C6orf47: variants seen among roughly 807,000 people sequenced by gnomAD.
C6orf47 encodes chromosome 6 open reading frame 47, also known as uncharacterized protein C6orf47.
C6orf47 carries 1 observed loss-of-function variant against 5.6 expected under a neutral mutation model. The ratio of observed to expected loss-of-function variants is 0.18; its 90% CI spans 0.06 to 0.85. The LOEUF (loss-of-function observed/expected upper bound fraction) is 0.85. Ranked by LOEUF, C6orf47 falls within the 40% of genes least tolerant of loss-of-function variation. C6orf47 has a pLI of 0.70. For missense variants in C6orf47, 323 were observed against 367.1 expected (o/e 0.88, Z 0.98); for synonymous variants, 149 against 161.7 (o/e 0.92, Z 0.60).
Position 31,658,986 on chromosome 6 carries a change from T to G in C6orf47, c.*77A>C. 2 of 1,525,292 alleles carry G rather than the reference T, an allele frequency of 1.3e-6. No homozygotes were observed. Among genetic ancestry groups the G allele is most frequent in the African/African-American group, 2.7e-5 (2 of 73,014 alleles). 94.5% of individuals were successfully genotyped at this position (1,525,292 alleles called of 1,614,324 possible). A position where few individuals can be genotyped will look rare whatever the true frequency, so the allele number is the denominator to read the frequency against. On this transcript the variant is annotated 3_prime_UTR_variant, in exon 1 of 1. Coordinates refer to ENST00000375911, the MANE Select transcript of C6orf47 (RefSeq NM_021184.4). ...TTCTTCCCCATCCCTGAGGTCCCTATGCTTACAATTTGGGTCATGCCTCAC... is the reference window on the plus strand; with the variant it reads ...TTCTTCCCCATCCCTGAGGTCCCTAGGCTTACAATTTGGGTCATGCCTCAC...
At position 31,660,029 on chromosome 6, in the gene C6orf47, G is replaced by A; in HGVS notation, c.-82C>T. ...ACTCTCAGGATCTCCTCAGAAGCCA[G>A]AGTCTTTCTGGCTCAGAACAGGTAT... On this transcript the variant is annotated 5_prime_UTR_variant, in exon 1 of 1. Transcript: ENST00000375911. This position sits in a 1 kb window ranked among gnomAD's most constrained non-coding sequence, Gnocchi z 4.7. 7.0e-7 allele frequency: 1 copy of A among 1,437,516 alleles called. No individual in the cohort carries two copies. Among genetic ancestry groups the A allele is most frequent in the South Asian group, 1.4e-5 (1 of 69,172 alleles). 89.0% of individuals were successfully genotyped at this position (1,437,516 alleles called of 1,614,324 possible). A position where few individuals can be genotyped will look rare whatever the true frequency, so the allele number is the denominator to read the frequency against.
At position 31,659,601 on chromosome 6, in the gene C6orf47, C is replaced by A; in HGVS notation, c.347G>T (p.Arg116Ile). ...LEAGGASPKL[R>I]WDHVDSGGTR... The stretch of plus-strand genomic sequence containing the variant: ...GCCACCTGAATCCACATGATCCCAT[C>A]TGAGTTTGGGACTGGCCCCTCCAGC... The change falls in exon 1 of 1, where the codon AGA becomes ATA. Residue 116 changes from arginine to isoleucine, a missense_variant. Physicochemically the swap from Arg to Ile is moderately conservative, Grantham distance 97. Transcript: ENST00000375911. This position sits in a 1 kb window ranked among gnomAD's most constrained non-coding sequence, Gnocchi z 5.6. 4 of 1,612,916 alleles carry A rather than the reference C, an allele frequency of 2.5e-6. No homozygotes were observed. The highest frequency in any genetic ancestry group is 2.5e-6 in the Non-Finnish European group (3 of 1,180,020).
At position 31,658,863 on chromosome 6, in the gene C6orf47, C is replaced by T. The variant is rs968210938; in HGVS notation, c.*200G>A. 4.5e-6 allele frequency: 2 copies of T among 447,596 alleles called. No homozygotes were observed. The highest frequency in any genetic ancestry group is 3.5e-5 in the East Asian group (1 of 28,194). The allele number at this position is 447,596 out of a possible 1,614,324, so 27.7% of individuals were successfully genotyped here. ...AAAGCAAAAATAACAGCTGGTGAAT[C>T]CAAGAGCAGTGCCCTCACTGTCCAT... On this transcript the variant is annotated 3_prime_UTR_variant, in exon 1 of 1. Coordinates refer to ENST00000375911, the MANE Select transcript of C6orf47 (RefSeq NM_021184.4).
Position 31,660,078 on chromosome 6 carries a change from C to A in C6orf47, c.-131G>T, listed in dbSNP as rs925489350. On this transcript the variant is annotated 5_prime_UTR_variant, in exon 1 of 1. It introduces an in-frame stop codon into an upstream open reading frame of the 5' UTR. Transcript: ENST00000375911. This position sits in a 1 kb window ranked among gnomAD's most constrained non-coding sequence, Gnocchi z 4.7. ...ATTTGCCTGGTGATGCAGTCCTACT[C>A]TGAATTCAGAAGTGGCTCCTCCCTT... 1 of 1,109,988 alleles carries A rather than the reference C, an allele frequency of 9.0e-7. No homozygotes were observed. The highest frequency in any genetic ancestry group is 2.6e-5 in the East Asian group (1 of 38,480). The allele number at this position is 1,109,988 out of a possible 1,614,324, so 68.8% of individuals were successfully genotyped here.
Position 31,660,095 on chromosome 6 carries a change from T to C in C6orf47, c.-148A>G. On this transcript the variant is annotated 5_prime_UTR_variant, in exon 1 of 1. Coordinates refer to ENST00000375911, the MANE Select transcript of C6orf47 (RefSeq NM_021184.4). This position sits in a 1 kb window ranked among gnomAD's most constrained non-coding sequence, Gnocchi z 4.7. ...GTCCTACTCTGAATTCAGAAGTGGC[T>C]CCTCCCTTCTCTGAATAGTCATGCA... The C allele has an allele frequency of 1.1e-6, 1 of 931,212 alleles. No homozygotes were observed. The highest frequency in any genetic ancestry group is 1.6e-6 in the Non-Finnish European group (1 of 628,600). 57.7% of individuals were successfully genotyped at this position (931,212 alleles called of 1,614,324 possible). A position where few individuals can be genotyped will look rare whatever the true frequency, so the allele number is the denominator to read the frequency against.
In C6orf47 at chr6:31,659,397, A is replaced by C. The variant is rs1410520036; in HGVS notation, c.551T>G (p.Leu184Arg). ...ECLQISTNLT[L>R]HLLELLASAL... ...AGAGGCCAGCAGCTCCAGAAGATGCAGGGTCAGGTTGGTGGAGATCTGCAG... is the reference window on the plus strand; with the variant it reads ...AGAGGCCAGCAGCTCCAGAAGATGCCGGGTCAGGTTGGTGGAGATCTGCAG... The change falls in exon 1 of 1, where the codon CTG (leucine) becomes CGG (arginine). Residue 184 changes from leucine to arginine, a missense_variant. Coordinates refer to ENST00000375911, the MANE Select transcript of C6orf47 (RefSeq NM_021184.4). The surrounding 1 kb of genome is among the most constrained non-coding windows in gnomAD (Gnocchi z 5.6). The C allele has an allele frequency of 1.2e-6, 2 of 1,613,082 alleles. No homozygotes were observed. Among genetic ancestry groups the C allele is most frequent in the Admixed American group, 3.3e-5 (2 of 60,022 alleles).
At position 31,660,672 on chromosome 6, in the gene C6orf47, C is replaced by G. The variant is rs1800712087; in HGVS notation, c.-725G>C. The G allele has an allele frequency of 6.0e-6, 1 of 166,646 alleles. No homozygotes were observed. The highest frequency in any genetic ancestry group is 2.4e-5 in the African/African-American group (1 of 41,478). 10.3% of individuals were successfully genotyped at this position (166,646 alleles called of 1,614,324 possible). The stretch of plus-strand genomic sequence containing the variant: ...AAGCGCGGGCCTACTTCGGGACCTA[C>G]GCGTCCGGGCGCTGTGCGCGGGGAC... On this transcript the variant is annotated 5_prime_UTR_variant, in exon 1 of 1. Transcript: ENST00000375911. The surrounding 1 kb of genome is among the most constrained non-coding windows in gnomAD (Gnocchi z 4.7).
At position 31,659,270 on chromosome 6, in the gene C6orf47, CA is replaced by C; in HGVS notation, c.677del (p.Leu226ArgfsTer11). The C allele has an allele frequency of 1.2e-6, 2 of 1,613,030 alleles. No homozygotes were observed. The highest frequency in any genetic ancestry group is 1.7e-6 in the Non-Finnish European group (2 of 1,179,966). ...CAGCATGGAGCCCATGCAGGGCAGCCAGGAAGGACAGTAGGCCATGTAGCCA... is the reference window on the plus strand; with the variant it reads ...CAGCATGGAGCCCATGCAGGGCAGCCGGAAGGACAGTAGGCCATGTAGCCA... ...GLWLHGLLSF[L>X]AALHGLHAVL... On this transcript the variant is annotated frameshift_variant, in exon 1 of 1. Coordinates refer to ENST00000375911, the MANE Select transcript of C6orf47 (RefSeq NM_021184.4). LOFTEE classifies it high-confidence loss of function. This position sits in a 1 kb window ranked among gnomAD's most constrained non-coding sequence, Gnocchi z 5.6.
Position 31,658,990 on chromosome 6 carries a change from T to TA in C6orf47, c.*72dup. The TA allele has an allele frequency of 2.0e-6, 3 of 1,535,956 alleles. No homozygotes were observed. The highest frequency in any genetic ancestry group is 2.5e-5 in the South Asian group (2 of 81,632). The stretch of plus-strand genomic sequence containing the variant: ...TCCCCATCCCTGAGGTCCCTATGCT[T>TA]ACAATTTGGGTCATGCCTCACACTT... On this transcript the variant is annotated 3_prime_UTR_variant, in exon 1 of 1. Transcript: ENST00000375911.
At position 31,659,896 on chromosome 6, in the gene C6orf47, T is replaced by G. The variant is rs1800625104; in HGVS notation, c.52A>C (p.Lys18Gln). The G allele has an allele frequency of 6.2e-7, 1 of 1,604,104 alleles. No individual in the cohort carries two copies. Among genetic ancestry groups the G allele is most frequent in the Non-Finnish European group, 8.5e-7 (1 of 1,175,252 alleles). The change falls in exon 1 of 1, where the codon AAA becomes CAA. Residue 18 changes from lysine to glutamine, a missense_variant. By Grantham distance (53) the Lys-to-Gln change is moderately conservative. Transcript: ENST00000375911. The surrounding 1 kb of genome is among the most constrained non-coding windows in gnomAD (Gnocchi z 5.6). The stretch of plus-strand genomic sequence containing the variant: ...TAAGGCGGGTCAGGCCTCATTGGTT[T>G]CCGGCGGCCCCAAGGGCGAGGTAGC... Reference protein sequence around the residue: ...GWLPRPWGRRKPMRPDPPYPE... With the variant: ...GWLPRPWGRRQPMRPDPPYPE...
chr6:31,660,030 A>G lies in C6orf47; in HGVS notation c.-83T>C. 1 of 1,438,396 alleles carries G rather than the reference A, an allele frequency of 7.0e-7. No individual in the cohort carries two copies. Among genetic ancestry groups the G allele is most frequent in the Admixed American group, 2.7e-5 (1 of 37,246 alleles). The allele number at this position is 1,438,396 out of a possible 1,614,324, so 89.1% of individuals were successfully genotyped here. A position where few individuals can be genotyped will look rare whatever the true frequency, so the allele number is the denominator to read the frequency against. The stretch of plus-strand genomic sequence containing the variant: ...CTCTCAGGATCTCCTCAGAAGCCAG[A>G]GTCTTTCTGGCTCAGAACAGGTATT... On this transcript the variant is annotated 5_prime_UTR_variant, in exon 1 of 1. Coordinates refer to ENST00000375911, the MANE Select transcript of C6orf47 (RefSeq NM_021184.4). The surrounding 1 kb of genome is among the most constrained non-coding windows in gnomAD (Gnocchi z 4.7).
In C6orf47 at chr6:31,660,043, C is replaced by T; in HGVS notation, c.-96G>A. Reference sequence around the variant, plus strand: ...CTCAGAAGCCAGAGTCTTTCTGGCTCAGAACAGGTATTTGCCTGGTGATGC... The same window carrying T: ...CTCAGAAGCCAGAGTCTTTCTGGCTTAGAACAGGTATTTGCCTGGTGATGC... On this transcript the variant is annotated 5_prime_UTR_variant, in exon 1 of 1. Coordinates refer to ENST00000375911, the MANE Select transcript of C6orf47 (RefSeq NM_021184.4). This position sits in a 1 kb window ranked among gnomAD's most constrained non-coding sequence, Gnocchi z 4.7. 7.3e-7 allele frequency: 1 copy of T among 1,375,124 alleles called. No homozygotes were observed. The allele number at this position is 1,375,124 out of a possible 1,614,324, so 85.2% of individuals were successfully genotyped here. A position where few individuals can be genotyped will look rare whatever the true frequency, so the allele number is the denominator to read the frequency against.
In C6orf47 at chr6:31,658,441, C is replaced by G. The variant is rs1275810933; in HGVS notation, c.*622G>C. On this transcript the variant is annotated 3_prime_UTR_variant, in exon 1 of 1. Coordinates refer to ENST00000375911, the MANE Select transcript of C6orf47 (RefSeq NM_021184.4). ...GGACTACAGGCTTCAGTGCTTCCCC[C>G]ACACTGCCTGAGCTACCAGCCCTTC... The G allele has an allele frequency of 5.2e-6, 2 of 382,126 alleles. No homozygotes were observed. Among genetic ancestry groups the G allele is most frequent in the African/African-American group, 2.0e-5 (1 of 48,946 alleles). The allele number at this position is 382,126 out of a possible 1,614,324, so 23.7% of individuals were successfully genotyped here.
Position 31,659,586 on chromosome 6 carries a change from T to C in C6orf47, c.362A>G (p.Asp121Gly). The C allele has an allele frequency of 6.2e-7, 1 of 1,612,854 alleles. No homozygotes were observed. The highest frequency in any genetic ancestry group is 8.5e-7 in the Non-Finnish European group (1 of 1,180,002). The change falls in exon 1 of 1, where the codon GAT becomes GGT. Residue 121 changes from aspartate (D) to glycine (G), a missense_variant. Coordinates refer to ENST00000375911, the MANE Select transcript of C6orf47 (RefSeq NM_021184.4). This position sits in a 1 kb window ranked among gnomAD's most constrained non-coding sequence, Gnocchi z 5.6. ...ASPKLRWDHV[D>G]SGGTRRPGVS... ...CCCTGGTCTCCTGGTGCCACCTGAA[T>C]CCACATGATCCCATCTGAGTTTGGG... is the stretch of plus-strand genomic sequence containing the variant.
Position 31,658,993 on chromosome 6 carries a change from A to G in C6orf47, c.*70T>C. On this transcript the variant is annotated 3_prime_UTR_variant, in exon 1 of 1. Transcript: ENST00000375911. The stretch of plus-strand genomic sequence containing the variant: ...CCATCCCTGAGGTCCCTATGCTTAC[A>G]ATTTGGGTCATGCCTCACACTTTTC... 1 of 1,543,258 alleles carries G rather than the reference A, an allele frequency of 6.5e-7. No homozygotes were observed.
rs756996421 is a variant in C6orf47 at position 31,659,640 on chromosome 6, G to A, written c.308C>T (p.Ser103Phe). Residue 103 changes from serine to phenylalanine, a missense_variant, in exon 1 of 1, where the codon TCT (serine) becomes TTT (phenylalanine). Transcript: ENST00000375911. This position sits in a 1 kb window ranked among gnomAD's most constrained non-coding sequence, Gnocchi z 5.6. The part of the protein sequence containing the change: ...WDQPISSTQE[S>F]GRLEAGGASP... ...GGCCCCTCCAGCCTCCAGTCTCCCAGACTCTTGAGTGCTAGAGATAGGCTG... is the reference window on the plus strand; with the variant it reads ...GGCCCCTCCAGCCTCCAGTCTCCCAAACTCTTGAGTGCTAGAGATAGGCTG... The A allele has an allele frequency of 4.3e-6, 7 of 1,613,040 alleles. No homozygotes were observed. In the South Asian group the frequency reaches 7.7e-5, roughly 18 times the overall value.
rs1800651539 is a variant in C6orf47 at position 31,660,087 on chromosome 6, G to A, written c.-140C>T. The A allele has an allele frequency of 9.8e-7, 1 of 1,019,024 alleles. No homozygotes were observed. The highest frequency in any genetic ancestry group is 1.7e-5 in the South Asian group (1 of 57,680). The allele number at this position is 1,019,024 out of a possible 1,614,324, so 63.1% of individuals were successfully genotyped here. ...GTGATGCAGTCCTACTCTGAATTCA[G>A]AAGTGGCTCCTCCCTTCTCTGAATA... On this transcript the variant is annotated 5_prime_UTR_variant, in exon 1 of 1. Coordinates refer to ENST00000375911, the MANE Select transcript of C6orf47 (RefSeq NM_021184.4). The surrounding 1 kb of genome is among the most constrained non-coding windows in gnomAD (Gnocchi z 4.7).
In C6orf47 at chr6:31,659,188, G is replaced by A. The variant is rs1800498098; in HGVS notation, c.760C>T (p.Gln254Ter). 1.2e-6 allele frequency: 2 copies of A among 1,613,068 alleles called. No homozygotes were observed. The highest frequency in any genetic ancestry group is 1.7e-6 in the Non-Finnish European group (2 of 1,180,036). Residue 254 changes from glutamine to a stop codon, truncating the protein, a stop_gained, in exon 1 of 1, where the codon CAG becomes TAG. Transcript: ENST00000375911. LOFTEE classifies it high-confidence loss of function. The surrounding 1 kb of genome is among the most constrained non-coding windows in gnomAD (Gnocchi z 5.6). The stretch of plus-strand genomic sequence containing the variant: ...AGGCTGACAGCCAGCACCAAGGCCT[G>A]CAGGAGACCAAAGAGGCAGGCGAAG... ...LHFACLFGLLQALVLAVSLRE... is the reference protein window; with the variant it reads ...LHFACLFGLL
In C6orf47 at chr6:31,659,443, A is replaced by G. The variant is rs771776933; in HGVS notation, c.505T>C (p.Leu169=). Residue 169 remains leucine (L), a synonymous_variant, in exon 1 of 1, where the codon TTG becomes CTG. Coordinates refer to ENST00000375911, the MANE Select transcript of C6orf47 (RefSeq NM_021184.4). The surrounding 1 kb of genome is among the most constrained non-coding windows in gnomAD (Gnocchi z 5.6). Reference sequence around the variant, plus strand: ...TGCAGACACTCTTCTGGGCCCCCCAAGTACCGGGAGGGAGCTCCTGGTTCC... The same window carrying G: ...TGCAGACACTCTTCTGGGCCCCCCAGGTACCGGGAGGGAGCTCCTGGTTCC... The part of the protein sequence containing the change: ...RGEPGAPSRY[L]GGPEECLQIS... 3 of 1,613,084 alleles carry G rather than the reference A, an allele frequency of 1.9e-6. No individual in the cohort carries two copies. The highest frequency in any genetic ancestry group is 1.7e-5 in the Admixed American group (1 of 60,020).
Sources: gnomAD v4.1 joint callset for allele counts on GRCh38, gnomAD v4.1.1 for gene constraint, Gnocchi (gnomAD v3.1) non-coding constraint, MANE v1.5 for transcripts, NCBI Gene and HGNC (gene_info 2026-07-23, HGNC 2026-07-21) for gene names.